The following PHF24 variants were observed in gnomAD, a reference collection of about 807,000 sequenced individuals.
The protein encoded by PHF24 is Galpha inhibitory interacting protein.
Under a neutral mutation model 42.6 loss-of-function variants are expected in PHF24, and 25 were observed. That is an observed-to-expected ratio of 0.59 (90% confidence interval 0.43 to 0.82). The LOEUF (loss-of-function observed/expected upper bound fraction) is 0.82, where lower values mean the gene tolerates loss of function less well. PHF24 is among the 40% of genes least tolerant of loss of function. PHF24 has a pLI of 0.00. For synonymous variants in PHF24, 185 were observed against 204.8 expected, an observed-to-expected ratio of 0.90 and a Z score of 0.83; for missense variants, 470 against 538.1, an observed-to-expected ratio of 0.87 and a Z score of 1.25.
chr9:34,877,555 T>C, the PHF24 span, among the ~76,000 whole-genome samples: 1 of 152,126 alleles, frequency 6.6e-6, no homozygotes, highest in African/African-American at 2.4e-5. Context: ...TAGATAGTGG[T>C]GGTGGTCACA....
At chr9:34,976,402 T>A (rs1827186428) in intron 4 of PHF24, 133 bp from the exon 5 acceptor site, 1 of 1,077,508 alleles carries the variant, frequency 9.3e-7, no homozygotes, top group African/African-American at 1.6e-5. Context: ...ACAGCCTGGG[T>A]GACCCTGGCC....
chr9:34,837,161 T>C, the PHF24 span: 1 of 470,552 alleles, frequency 2.1e-6, no homozygotes, highest in Non-Finnish European at 4.4e-6. Context: ...TAGTAGACAG[T>C]GGCATGGTAG....
chr9:34,700,714 G>C, the PHF24 span, among the ~76,000 whole-genome samples: 3 of 152,132 alleles, frequency 2.0e-5, no homozygotes, highest in Non-Finnish European at 2.9e-5. Context: ...AAAGGTATGA[G>C]ACAATGAGGT....
the PHF24 span, among the ~76,000 whole-genome samples, chr9:34,862,460 C>T: frequency 1.1e-4 from 16 of 151,996 alleles, no homozygotes; most frequent in Non-Finnish European, 2.2e-4. Flanking sequence ...AGCCCAGCCA[C>T]GGTAAGATAG....
chr9:34,834,883 A>C, the PHF24 span: 416,515 of 1,152,126 alleles, frequency 0.36, 110,940 homozygotes, highest in East Asian at 0.68. Flanking sequence ...GGAAGGAGAG[A>C]TCATTGAAGA....
chr9:34,847,054 T>C, the PHF24 span, among the ~76,000 whole-genome samples: 1 of 152,232 alleles, frequency 6.6e-6, no homozygotes, highest in Non-Finnish European at 1.5e-5. Flanking sequence ...GCTTTGTTCT[T>C]TTGGCTTAGG....
the PHF24 span, chr9:34,833,247 GGTT>G: frequency 2.6e-6 from 4 of 1,550,352 alleles, no homozygotes; most frequent in Non-Finnish European, 3.5e-6. Flanking sequence ...TCCAGGCTGG[GGTT>G]GTTCACACTG....
the PHF24 span, among the ~76,000 whole-genome samples, chr9:34,884,413 G>A: frequency 1.3e-5 from 2 of 152,146 alleles, no homozygotes; most frequent in Non-Finnish European, 2.9e-5. Context: ...CACAGTATGA[G>A]TATTTTTATA....
chr9:34,874,036 C>T, the PHF24 span, among the ~76,000 whole-genome samples: 1 of 152,004 alleles, frequency 6.6e-6, no homozygotes. Context: ...GATTTTTGCA[C>T]ATTGATTTTG....
chr9:34,735,140 T>C, the PHF24 span, among the ~76,000 whole-genome samples: 11 of 147,510 alleles, frequency 7.5e-5, no homozygotes, highest in East Asian at 2.0e-4. Flanking sequence ...TTTCTTTTTT[T>C]TTTTTTTTTT....
At chr9:34,907,142 T>G in the PHF24 span, among the ~76,000 whole-genome samples, 1 of 152,200 alleles carries the variant, frequency 6.6e-6, no homozygotes, top group Non-Finnish European at 1.5e-5. Flanking sequence ...TTTCATCTGT[T>G]CTGCTGATGG....
chr9:34,752,149 G>A, the PHF24 span, among the ~76,000 whole-genome samples: 19 of 151,506 alleles, frequency 1.3e-4, no homozygotes, highest in Admixed American at 5.3e-4. Flanking sequence ...CCATAAAAGC[G>A]AAACAAAACA....
chr9:34,736,962 C>T, the PHF24 span, among the ~76,000 whole-genome samples: 2 of 152,134 alleles, frequency 1.3e-5, no homozygotes, highest in African/African-American at 4.8e-5. Flanking sequence ...GGTTTCTCTT[C>T]TTCAAAAAGT....
At chr9:34,709,374 G>A in the PHF24 span, 1 of 1,604,610 alleles carries the variant, frequency 6.2e-7, no homozygotes, top group East Asian at 2.2e-5. Context: ...GGTCTCCAGG[G>A]CTCCAGGCTG....
the PHF24 span, among the ~76,000 whole-genome samples, chr9:34,800,116 G>A: frequency 3.3e-5 from 5 of 152,158 alleles, no homozygotes; most frequent in South Asian, 1.0e-3. Context: ...AATTACACTT[G>A]TACCTTATAA....
the PHF24 span, among the ~76,000 whole-genome samples, chr9:34,784,547 A>G: frequency 2.4e-3 from 358 of 152,316 alleles, no homozygotes; most frequent in African/African-American, 8.3e-3. Context: ...TCACATGCAT[A>G]GTCTGAAAGT....
chr9:34,809,653 G>A, the PHF24 span, among the ~76,000 whole-genome samples: 52 of 152,324 alleles, frequency 3.4e-4, 1 homozygote, highest in South Asian at 0.01. The surrounding 1 kb of genome is among the most constrained non-coding windows in gnomAD (Gnocchi z 4.1). Flanking sequence ...GAGAGCACGA[G>A]GGCGAAAGTC....
chr9:34,778,798 C>G, the PHF24 span, among the ~76,000 whole-genome samples: 2 of 152,136 alleles, frequency 1.3e-5, no homozygotes, highest in South Asian at 4.1e-4. Context: ...CCCCACCCAA[C>G]AGCAGCAGAA....
chr9:34,888,003 T>TTA, the PHF24 span, among the ~76,000 whole-genome samples: 1 of 151,516 alleles, frequency 6.6e-6, no homozygotes, highest in South Asian at 2.1e-4. Context: ...GTTTTTTTTT[T>TTA]AATTATTATA....
Sources: allele counts gnomAD v4.1 joint callset (sites outside exome capture counted in the v4.1 genomes callset), GRCh38; gene constraint gnomAD v4.1.1; non-coding constraint Gnocchi (gnomAD v3.1); transcripts MANE v1.5; gene names NCBI Gene and HGNC (gene_info 2026-07-23, HGNC 2026-07-21).